Variants in SLC17A2 observed in about 807,000 individuals in gnomAD.
SLC17A2 encodes sodium-dependent phosphate transport protein 3.
Under a neutral mutation model 52.1 loss-of-function variants are expected in SLC17A2, and 38 were observed. That is an observed-to-expected ratio of 0.73 (90% CI 0.56 to 0.96). The LOEUF (loss-of-function observed/expected upper bound fraction) is 0.96, where lower values mean the gene tolerates loss of function less well. SLC17A2 is among the 40% of genes least tolerant of loss of function. SLC17A2 has a pLI of 0.00. For missense variants in SLC17A2, 508 were observed against 583.9 expected, an observed-to-expected ratio of 0.87 and a Z score of 1.34; for synonymous variants, 226 against 211.9, an observed-to-expected ratio of 1.07 and a Z score of -0.58.
chr6:25,920,277 C>A (rs1766502280), intron 5 of SLC17A2, among the ~76,000 whole-genome samples: 1 of 152,148 alleles, frequency 6.6e-6, no homozygotes, highest in Admixed American at 6.6e-5. Flanking sequence ...CGAGTATATA[C>A]TCTCAGCACG....
At position 25,917,179 on chromosome 6, in the gene SLC17A2, C is replaced by T. The variant is rs1766358463; in HGVS notation, c.650-92G>A. ...AAGTGGCATGCCTCTCCCTTCTACACACTAATCAATTAATGCTTATTCTAC... is the reference window on the plus strand; with the variant it reads ...AAGTGGCATGCCTCTCCCTTCTACATACTAATCAATTAATGCTTATTCTAC... On this transcript the variant is annotated intron_variant, in intron 6 of 11. Coordinates refer to ENST00000377850, the MANE Select transcript of SLC17A2 (RefSeq NM_001286123.3). 6 of 835,992 alleles carry T rather than the reference C, an allele frequency of 7.2e-6. No individual in the cohort carries two copies. In the Admixed American group the frequency reaches 8.7e-5, roughly 12 times the overall value. The allele number at this position is 835,992 out of a possible 1,614,324, so 51.8% of individuals were successfully genotyped here.
chr6:25,925,634 CAG>C (rs2151558033), intron 2 of SLC17A2, 133 bp downstream of exon 2: 1 of 838,676 alleles, frequency 1.2e-6, no homozygotes, highest in Non-Finnish European at 2.1e-6. Flanking sequence ...GCAACAGGAT[CAG>C]GGGCTGGAGC....
rs570893074 is a variant in SLC17A2 at position 25,926,480 on chromosome 6, A to C, written c.-83-601T>G. ...ACTTGCTTGGACTGACAAAGTCTTC[A>C]TATCACCTAGAAAATTATAATGAAC... On this transcript the variant is annotated intron_variant, in intron 1 of 11. Transcript: ENST00000377850. 2.6e-5 allele frequency among the ~76,000 whole-genome samples: 4 copies of C among 152,366 alleles called. No individual in the cohort carries two copies. The South Asian group carries it at 8.3e-4, about 32-fold the overall frequency.
At chr6:25,917,414 T>C (rs1328747361) in intron 6 of SLC17A2, among the ~76,000 whole-genome samples, 1 of 152,238 alleles carries the variant, frequency 6.6e-6, no homozygotes, top group African/African-American at 2.4e-5. Flanking sequence ...AACTTCTTAA[T>C]GCACACATAA....
intron 3 of SLC17A2, among the ~76,000 whole-genome samples, chr6:25,922,454 G>C (rs558284434): frequency 3.4e-4 from 52 of 152,350 alleles, no homozygotes; most frequent in African/African-American, 1.2e-3. Flanking sequence ...ATTGATAGCA[G>C]ATGTGAGTGT....
intron 1 of SLC17A2, among the ~76,000 whole-genome samples, chr6:25,927,001 G>T (rs761393214): frequency 1.3e-5 from 2 of 152,218 alleles, no homozygotes; most frequent in Non-Finnish European, 2.9e-5. Flanking sequence ...AAGAGGCAAA[G>T]GTTGCAGTGA....
At chr6:25,914,298 G>A (rs987118906) in intron 11 of SLC17A2, among the ~76,000 whole-genome samples, 1 of 151,990 alleles carries the variant, frequency 6.6e-6, no homozygotes, top group African/African-American at 2.4e-5. Context: ...TTTCATTCTG[G>A]TCATAACTAA....
intron 2 of SLC17A2, 91 bp from the exon 3 acceptor site, chr6:25,923,997 G>A: frequency 1.0e-6 from 1 of 990,322 alleles, no homozygotes; most frequent in Non-Finnish European, 1.5e-6. Flanking sequence ...TAGAACTTTG[G>A]ATGACACATG....
In SLC17A2 at chr6:25,918,557, G is replaced by A; in HGVS notation, c.579C>T (p.Ser193=). 1 of 1,612,608 alleles carries A rather than the reference G, an allele frequency of 6.2e-7. No individual in the cohort carries two copies. The highest frequency in any genetic ancestry group is 8.5e-7 in the Non-Finnish European group (1 of 1,178,794). ...TIAGSGSAFG[S]FIILCVGGLI... is the part of the protein sequence containing the mutation. ...GTCCCCCCACACAGAGGATGATGAA[G>A]GATCCAAATGCTGACCCTAAAGGAA... Residue 193 remains serine (S), a synonymous_variant, in exon 6 of 12, where the codon TCC becomes TCT. Transcript: ENST00000377850.
At chr6:25,921,461 A>G in intron 3 of SLC17A2, 49 bp from the exon 4 acceptor site, 1 of 1,375,322 alleles carries the variant, frequency 7.3e-7, no homozygotes, top group East Asian at 2.3e-5. Flanking sequence ...TATTATGAAA[A>G]TCTACTTTAC....
chr6:25,919,345 T>C (rs1166786594), intron 5 of SLC17A2, among the ~76,000 whole-genome samples: 2 of 152,082 alleles, frequency 1.3e-5, no homozygotes, highest in Admixed American at 6.5e-5. Context: ...AGATGTAAAA[T>C]ATAAATATAA....
chr6:25,916,733 T>G lies in SLC17A2; in HGVS notation c.882A>C (p.Thr294=). The G allele has an allele frequency of 6.2e-7, 1 of 1,613,912 alleles. No homozygotes were observed. Among genetic ancestry groups the G allele is most frequent in the Non-Finnish European group, 8.5e-7 (1 of 1,179,820 alleles). ...SHFWLCTIIL[T]YLPTYISTLL... is the part of the protein sequence containing the mutation. Reference sequence around the variant, plus strand: ...GAGTACTGATATACGTTGGTAGGTATGTTAGGATGATGGTGCACAACCAGA... The same window carrying G: ...GAGTACTGATATACGTTGGTAGGTAGGTTAGGATGATGGTGCACAACCAGA... Residue 294 remains threonine (T), a synonymous_variant, in exon 8 of 12, where the codon ACA becomes ACC. Coordinates refer to ENST00000377850, the MANE Select transcript of SLC17A2 (RefSeq NM_001286123.3).
chr6:25,921,125 T>C lies in SLC17A2; in HGVS notation c.475-32A>G, dbSNP rs577035043. On this transcript the variant is annotated intron_variant, in intron 4 of 11. Coordinates refer to ENST00000377850, the MANE Select transcript of SLC17A2 (RefSeq NM_001286123.3). ...TGAAAATCATTAAGACCTTTGATATTTTGTAGAATTCAGAAATCTGGATCC... is the reference window on the plus strand; with the variant it reads ...TGAAAATCATTAAGACCTTTGATATCTTGTAGAATTCAGAAATCTGGATCC... 1.7e-5 allele frequency: 28 copies of C among 1,613,662 alleles called. No homozygotes were observed. In the East Asian group the frequency reaches 3.8e-4, roughly 22 times the overall value.
At chr6:25,917,367 G>C (rs116129010) in intron 6 of SLC17A2, among the ~76,000 whole-genome samples, 1 of 152,180 alleles carries the variant, frequency 6.6e-6, no homozygotes. Context: ...TTACTTTAAA[G>C]TCTCCAATGA....
intron 5 of SLC17A2, among the ~76,000 whole-genome samples, chr6:25,919,465 T>C (rs1198156121): frequency 6.6e-6 from 1 of 151,894 alleles, no homozygotes; most frequent in Non-Finnish European, 1.5e-5. Context: ...CCCAGCACTT[T>C]GGGAGGCCGA....
At chr6:25,914,509 G>A in intron 11 of SLC17A2, 71 bp downstream of exon 11, 5 of 948,518 alleles carry the variant, frequency 5.3e-6, no homozygotes, top group Non-Finnish European at 8.6e-6. Context: ...CAGATCTTTA[G>A]AGCACCGTGT....
intron 1 of SLC17A2, among the ~76,000 whole-genome samples, chr6:25,929,456 A>T (rs563331907): frequency 2.6e-5 from 4 of 152,366 alleles, no homozygotes; most frequent in African/African-American, 9.6e-5. Flanking sequence ...CCATAAATAC[A>T]GGCCTACAGC....
At chr6:25,922,724 A>AT (rs997695105) in intron 3 of SLC17A2, among the ~76,000 whole-genome samples, 6 of 152,186 alleles carry the variant, frequency 3.9e-5, no homozygotes, top group African/African-American at 1.4e-4. Context: ...TTAAAGGATA[A>AT]TTTTTTTAAT....
At chr6:25,925,228 C>T (rs538213820) in intron 2 of SLC17A2, among the ~76,000 whole-genome samples, 1 of 152,166 alleles carries the variant, frequency 6.6e-6, no homozygotes, top group East Asian at 1.9e-4. Context: ...AAATGACTTT[C>T]CCGGGCCAGG....
Sources: gnomAD v4.1 joint callset for allele counts (sites outside exome capture counted in the v4.1 genomes callset) on GRCh38, gnomAD v4.1.1 for gene constraint, MANE v1.5 for transcripts, NCBI Gene and HGNC (gene_info 2026-07-23, HGNC 2026-07-21) for gene names.